The following MAEL variants were observed in gnomAD, a reference collection of about 807,000 sequenced individuals.
MAEL encodes the protein maelstrom spermatogenic transposon silencer.
A neutral mutation model predicts 62.0 loss-of-function variants in MAEL; 46 were observed. The observed-to-expected ratio is 0.74, with a 90% CI of 0.59 to 0.95. The LOEUF (loss-of-function observed/expected upper bound fraction) is 0.95, where lower values mean the gene tolerates loss of function less well. Among genes scored for constraint, MAEL ranks in the 40% least tolerant of loss-of-function variants. The pLI, the probability that MAEL is intolerant of heterozygous loss-of-function variation, is 0.00. For missense variants in MAEL, 497 were observed against 526.8 expected (o/e 0.94, Z 0.55); for synonymous variants, 172 against 175.5 (o/e 0.98, Z 0.16).
intron 8 of MAEL, among the ~76,000 whole-genome samples, chr1:167,015,370 C>G (rs991617184): frequency 6.6e-6 from 1 of 152,124 alleles, no homozygotes; most frequent in Admixed American, 6.6e-5. Flanking sequence ...AGTAGTCTTC[C>G]ATTCATCCAT....
At chr1:166,999,668 A>G (rs1439855999) in intron 5 of MAEL, among the ~76,000 whole-genome samples, 4 of 152,228 alleles carry the variant, frequency 2.6e-5, no homozygotes, top group Admixed American at 2.6e-4. Context: ...CGAAAATGAA[A>G]CCACCTTCTG....
Position 167,002,405 on chromosome 1 carries a change from G to A in MAEL, c.524-1775G>A, listed in dbSNP as rs977270542. On this transcript the variant is annotated intron_variant, in intron 5 of 11. Coordinates refer to ENST00000367872, the MANE Select transcript of MAEL (RefSeq NM_032858.3). ...TGTTATGTTGGATAATCCTCTTATC[G>A]GGATCTTCTTTTTGGAGTTGATTTT... is the stretch of plus-strand genomic sequence containing the variant. Among the ~76,000 whole-genome samples, 5 of 152,040 alleles carry A rather than the reference G, an allele frequency of 3.3e-5. No individual in the cohort carries two copies. In the South Asian group the frequency reaches 6.2e-4, roughly 19 times the overall value.
chr1:167,021,922 T>A lies in MAEL; in HGVS notation c.*67T>A. 1 of 977,626 alleles carries A rather than the reference T, an allele frequency of 1.0e-6. No homozygotes were observed. The highest frequency in any genetic ancestry group is 1.5e-6 in the Non-Finnish European group (1 of 653,170). 60.6% of individuals were successfully genotyped at this position (977,626 alleles called of 1,614,324 possible). On this transcript the variant is annotated 3_prime_UTR_variant, in exon 12 of 12. Coordinates refer to ENST00000367872, the MANE Select transcript of MAEL (RefSeq NM_032858.3). ...AACTTCCTTCTTACTACAGTCATAT[T>A]AAACAGATCACATCAATGACAAATG...
intron 3 of MAEL, among the ~76,000 whole-genome samples, chr1:166,992,223 T>G (rs1664207067): frequency 6.6e-6 from 1 of 152,160 alleles, no homozygotes; most frequent in Non-Finnish European, 1.5e-5. Flanking sequence ...ATTCCTTTAT[T>G]CCTTTAGAGG....
chr1:166,992,242 G>T (rs757026185), intron 3 of MAEL, among the ~76,000 whole-genome samples: 1 of 152,042 alleles, frequency 6.6e-6, no homozygotes, highest in Non-Finnish European at 1.5e-5. Flanking sequence ...GGATTTATAG[G>T]TGGTTTTATA....
intron 8 of MAEL, among the ~76,000 whole-genome samples, chr1:167,008,425 G>T (rs1665023052): frequency 6.6e-6 from 1 of 152,064 alleles, no homozygotes; most frequent in Non-Finnish European, 1.5e-5. Flanking sequence ...CTGCAAGGAA[G>T]TGTGGTCTCT....
At chr1:166,988,395 A>G (rs189028387), upstream of MAEL, among the ~76,000 whole-genome samples, 1 of 151,718 alleles carries the variant, frequency 6.6e-6, no homozygotes, top group Admixed American at 6.6e-5. Context: ...AAACCGTGTG[A>G]TTACCTGAAA....
chr1:166,979,044 G>A (rs1255154242), intron 1 of MAEL, among the ~76,000 whole-genome samples: 1 of 152,218 alleles, frequency 6.6e-6, no homozygotes, highest in African/African-American at 2.4e-5. Flanking sequence ...CATACTGGTA[G>A]CTGGTAGCAA....
intron 8 of MAEL, among the ~76,000 whole-genome samples, chr1:167,009,590 A>ATTT (rs75695034): frequency 6.9e-6 from 1 of 144,542 alleles, no homozygotes; most frequent in African/African-American, 2.5e-5. Context: ...ATTTCTGGAG[A>ATTT]TTTTTTTTTT....
At chr1:166,987,244 T>G (rs1420969326), upstream of MAEL, among the ~76,000 whole-genome samples, 1 of 152,136 alleles carries the variant, frequency 6.6e-6, no homozygotes, top group Admixed American at 6.5e-5. Context: ...TAACTACAGT[T>G]TTACCTTTTC....
At chr1:166,985,659 T>A, upstream of MAEL, among the ~76,000 whole-genome samples, 1 of 152,130 alleles carries the variant, frequency 6.6e-6, no homozygotes, top group East Asian at 1.9e-4. Flanking sequence ...AGACTCAAAC[T>A]GTTTCCAAGT....
At chr1:167,005,587 GC>G in intron 8 of MAEL, 190 bp downstream of exon 8, 2 of 468,888 alleles carry the variant, frequency 4.3e-6, no homozygotes, top group Non-Finnish European at 7.4e-6. Flanking sequence ...AAACAAACCT[GC>G]CAAATAAACT....
intron 6 of MAEL, 76 bp downstream of exon 6, chr1:167,004,380 C>A: frequency 7.1e-7 from 1 of 1,400,596 alleles, no homozygotes; most frequent in Non-Finnish European, 9.6e-7. Flanking sequence ...AGAATTTTTG[C>A]CTGTGTATTT....
rs1665378160 is a variant in MAEL, at chr1:167,016,116, T to C, written c.846-106T>C. On this transcript the variant is annotated intron_variant, in intron 8 of 11. Transcript: ENST00000367872. Reference sequence around the variant, plus strand: ...TGTGTTAAATTTGAAGTTTTAGTCTTCAAGTAACCTCATTTTTTAAAAGAT... The same window carrying C: ...TGTGTTAAATTTGAAGTTTTAGTCTCCAAGTAACCTCATTTTTTAAAAGAT... The C allele has an allele frequency of 5.1e-6, 5 of 985,962 alleles. No individual in the cohort carries two copies. The Admixed American group carries it at 7.3e-5, about 14-fold the overall frequency. 61.1% of individuals were successfully genotyped at this position (985,962 alleles called of 1,614,324 possible). A position where few individuals can be genotyped will look rare whatever the true frequency, so the allele number is the denominator to read the frequency against.
chr1:166,989,932 G>T, intron 2 of MAEL, 103 bp downstream of exon 2: 1 of 937,318 alleles, frequency 1.1e-6, no homozygotes. Context: ...ACTGCTTTGG[G>T]GGTTCGGTTA....
At chr1:166,990,077 C>A (rs1664100999) in intron 2 of MAEL, 2 of 417,812 alleles carry the variant, frequency 4.8e-6, no homozygotes, top group African/African-American at 2.0e-5. Flanking sequence ...TGTTAGGAAA[C>A]CTGTAGACAA....
chr1:166,992,882 G>GTTT, intron 4 of MAEL, 41 bp downstream of exon 4: 4 of 1,223,240 alleles, frequency 3.3e-6, no homozygotes, highest in East Asian at 3.2e-5. Flanking sequence ...AACGTGTATG[G>GTTT]TTTTTTTTTT....
rs191759942 is a variant in MAEL at position 167,015,751 on chromosome 1, T to G, written c.846-471T>G. Among the ~76,000 whole-genome samples the G allele has an allele frequency of 2.5e-4, 38 of 152,336 alleles. No homozygotes were observed. In the East Asian group the frequency reaches 4.8e-3, roughly 19 times the overall value. On this transcript the variant is annotated intron_variant, in intron 8 of 11. Transcript: ENST00000367872. ...AATATTTTATATTATCTTTTTATTTTTAAATAAAGTTCTATCCTTAGAACT... is the reference window on the plus strand; with the variant it reads ...AATATTTTATATTATCTTTTTATTTGTAAATAAAGTTCTATCCTTAGAACT...
At chr1:166,975,712 G>C (rs1663554636) in intron 1 of MAEL, 1 of 152,024 alleles carries the variant, frequency 6.6e-6, no homozygotes, top group Admixed American at 6.5e-5. Flanking sequence ...GGGGTCTCTG[G>C]GTGGCAGGCA....
Sources: allele counts gnomAD v4.1 joint callset (sites outside exome capture counted in the v4.1 genomes callset), GRCh38; gene constraint gnomAD v4.1.1; transcripts MANE v1.5; gene names NCBI Gene and HGNC (gene_info 2026-07-23, HGNC 2026-07-21).